MAML3: variants seen among roughly 807,000 people sequenced by gnomAD.
MAML3 encodes mastermind like transcriptional coactivator 3.
In MAML3, 27 loss-of-function variants were observed where a neutral mutation model predicts 101.9. The ratio of observed to expected loss-of-function variants is 0.27; its 90% CI spans 0.20 to 0.37. The LOEUF is 0.37. Ranked by LOEUF, MAML3 falls within the 10% of genes least tolerant of loss-of-function variation. The pLI is 1.00. For synonymous variants in MAML3, 501 were observed against 555.9 expected, an observed-to-expected ratio of 0.90 and a Z score of 1.39; for missense variants, 1,316 against 1,444.9, an observed-to-expected ratio of 0.91 and a Z score of 1.45.
chr4:140,128,346 A>T (rs1217204943), intron 1 of MAML3, among the ~76,000 whole-genome samples: 2 of 152,318 alleles, frequency 1.3e-5, no homozygotes, highest in African/African-American at 4.8e-5. Flanking sequence ...GAGCTCAGAG[A>T]AGAACCATGT....
intron 1 of MAML3, among the ~76,000 whole-genome samples, chr4:140,151,898 C>T (rs909357223): frequency 6.6e-6 from 1 of 152,224 alleles, no homozygotes; most frequent in Admixed American, 6.5e-5. Context: ...CCTCTTTTAC[C>T]TCCCTGCTAC....
intron 2 of MAML3, among the ~76,000 whole-genome samples, chr4:139,829,261 GAAGA>G (rs960915071): frequency 8.6e-5 from 13 of 151,784 alleles, no homozygotes; most frequent in South Asian, 2.1e-4. Context: ...AAAAAGAAAG[GAAGA>G]AAGAAAGAAA....
rs1732444529 is a variant in MAML3 at position 139,890,202 on chromosome 4, T to C, written c.1234A>G (p.Asn412Asp). Residue 412 changes from asparagine (N) to aspartate (D), a missense_variant, in exon 2 of 5, where the codon AAC becomes GAC. Physicochemically the swap from Asn to Asp is conservative, Grantham distance 23. Transcript: ENST00000509479. This position sits in a 1 kb window ranked among gnomAD's most constrained non-coding sequence, Gnocchi z 4.1. ...AAPNPASSPA[N>D]CAVQSPQTPN... ...GTTTGAGGGGACTGGACAGCACAGT[T>C]TGCTGGTGAGCTTGCAGGGTTTGGA... is the stretch of plus-strand genomic sequence containing the variant. The C allele has an allele frequency of 1.2e-6, 2 of 1,613,314 alleles. No individual in the cohort carries two copies. The highest frequency in any genetic ancestry group is 1.3e-5 in the African/African-American group (1 of 74,934).
At chr4:139,788,686 G>A (rs1324327317) in intron 2 of MAML3, among the ~76,000 whole-genome samples, 1 of 152,228 alleles carries the variant, frequency 6.6e-6, no homozygotes, top group Non-Finnish European at 1.5e-5. Flanking sequence ...TGGTCTATGA[G>A]ATACAGTGAA....
intron 1 of MAML3, among the ~76,000 whole-genome samples, chr4:139,921,773 CA>C (rs1489849461): frequency 2.6e-5 from 4 of 152,166 alleles, no homozygotes; most frequent in Non-Finnish European, 5.9e-5. Context: ...GCCAGCACTA[CA>C]GAGCACCAAA....
chr4:139,977,022 C>T (rs2110802045), intron 1 of MAML3, among the ~76,000 whole-genome samples: 1 of 152,164 alleles, frequency 6.6e-6, no homozygotes, highest in South Asian at 2.1e-4. Context: ...GGAAGGGAAT[C>T]AGGTCGTAAG....
intron 1 of MAML3, among the ~76,000 whole-genome samples, chr4:139,924,294 G>A (rs1437879958): frequency 6.6e-6 from 1 of 152,196 alleles, no homozygotes; most frequent in Non-Finnish European, 1.5e-5. Flanking sequence ...GCGATTCTGA[G>A]ATGATCAGAG....
intron 1 of MAML3, among the ~76,000 whole-genome samples, chr4:140,142,226 AAT>A (rs1728989912): frequency 6.6e-6 from 1 of 152,176 alleles, no homozygotes; most frequent in South Asian, 2.1e-4. Flanking sequence ...AGAAAAAATG[AAT>A]ATGTGATTAT....
chr4:139,928,179 G>T (rs13127289), intron 1 of MAML3, among the ~76,000 whole-genome samples: 52,981 of 152,020 alleles, frequency 0.35, 10,070 homozygotes, highest in East Asian at 0.63. Flanking sequence ...ATCCATAACT[G>T]TTTCTCCATC....
At chr4:139,912,122 C>A (rs927097188) in intron 1 of MAML3, among the ~76,000 whole-genome samples, 1 of 152,146 alleles carries the variant, frequency 6.6e-6, no homozygotes, top group Non-Finnish European at 1.5e-5. Flanking sequence ...TTTTGAGAAA[C>A]TGACATACTG....
intron 1 of MAML3, among the ~76,000 whole-genome samples, chr4:139,913,566 C>A (rs927854717): frequency 6.6e-6 from 1 of 152,128 alleles, no homozygotes; most frequent in Non-Finnish European, 1.5e-5. Context: ...ATGAAGCCAT[C>A]TAAGAAAAAG....
Position 139,763,438 on chromosome 4 carries a change from C to G in MAML3, c.2080-32771G>C, listed in dbSNP as rs1330371131. Among the ~76,000 whole-genome samples the G allele has an allele frequency of 6.6e-5, 10 of 152,290 alleles. No homozygotes were observed. The East Asian group carries it at 1.9e-3, about 29-fold the overall frequency. On this transcript the variant is annotated intron_variant, in intron 2 of 4. Transcript: ENST00000509479. The stretch of plus-strand genomic sequence containing the variant: ...AACGAGAAGTACGGAGCTAAAGAGG[C>G]ACACGGTATTCAAACATGTGAGTTC...
intron 1 of MAML3, among the ~76,000 whole-genome samples, chr4:139,910,673 T>C (rs1176824436): frequency 6.6e-6 from 1 of 152,122 alleles, no homozygotes; most frequent in African/African-American, 2.4e-5. Flanking sequence ...AGAAATCTTG[T>C]TGCAAGAAGG....
intron 1 of MAML3, among the ~76,000 whole-genome samples, chr4:140,100,806 C>T (rs1407217959): frequency 6.6e-6 from 1 of 152,132 alleles, no homozygotes; most frequent in Non-Finnish European, 1.5e-5. Flanking sequence ...TTGCCTATAA[C>T]TGCTTGGACC....
At chr4:139,757,522 A>G (rs1729676966) in intron 2 of MAML3, among the ~76,000 whole-genome samples, 1 of 151,492 alleles carries the variant, frequency 6.6e-6, no homozygotes, top group East Asian at 2.0e-4. Context: ...AGGTGGCGTG[A>G]GCCTGTAGTC....
chr4:139,770,480 G>C (rs566108072), intron 2 of MAML3, among the ~76,000 whole-genome samples: 1 of 152,266 alleles, frequency 6.6e-6, no homozygotes, highest in African/African-American at 2.4e-5. Flanking sequence ...TGTGTCCCTG[G>C]CAACAAGCTC....
intron 1 of MAML3, among the ~76,000 whole-genome samples, chr4:139,922,172 C>A (rs1733141931): frequency 6.6e-6 from 1 of 152,066 alleles, no homozygotes; most frequent in Non-Finnish European, 1.5e-5. Context: ...TTTGGAAAGA[C>A]ACCCGCCTGT....
Position 139,861,930 on chromosome 4 carries a change from C to T in MAML3, c.2079+27427G>A, listed in dbSNP as rs952113455. Among the ~76,000 whole-genome samples the T allele has an allele frequency of 2.6e-5, 4 of 152,146 alleles. No homozygotes were observed. The South Asian group carries it at 6.2e-4, about 24-fold the overall frequency. ...GAGCCTTGAAAATTATCAATGCCGGCTGGGTGCAGTGGCTCATCCTATAAT... is the reference window on the plus strand; with the variant it reads ...GAGCCTTGAAAATTATCAATGCCGGTTGGGTGCAGTGGCTCATCCTATAAT... On this transcript the variant is annotated intron_variant, in intron 2 of 4. Coordinates refer to ENST00000509479, the MANE Select transcript of MAML3 (RefSeq NM_018717.5).
At chr4:140,021,570 A>T (rs1726733796) in intron 1 of MAML3, among the ~76,000 whole-genome samples, 1 of 152,168 alleles carries the variant, frequency 6.6e-6, no homozygotes, top group Non-Finnish European at 1.5e-5. Flanking sequence ...ATATCTACCC[A>T]TATTCCTTAC....
Sources: gnomAD v4.1 joint callset for allele counts (sites outside exome capture counted in the v4.1 genomes callset) on GRCh38, gnomAD v4.1.1 for gene constraint, Gnocchi (gnomAD v3.1) non-coding constraint, MANE v1.5 for transcripts, NCBI Gene and HGNC (gene_info 2026-07-23, HGNC 2026-07-21) for gene names.